Variants in SMC2 observed in about 807,000 individuals in gnomAD.
SMC2 encodes structural maintenance of chromosomes 2, also known as structural maintenance of chromosomes protein 2.
SMC2 carries 41 observed loss-of-function variants against 142.6 expected under a neutral mutation model. That is an observed-to-expected ratio of 0.29 (90% CI 0.22 to 0.37). The LOEUF (loss-of-function observed/expected upper bound fraction) is 0.37, where lower values mean the gene tolerates loss of function less well. Ranked by LOEUF, SMC2 falls within the 10% of genes least tolerant of loss-of-function variation. The probability of loss-of-function intolerance (pLI) is 1.00; values close to 1 mark genes in which losing one functional copy is unlikely to be tolerated. For synonymous variants in SMC2, 463 were observed against 457.5 expected, an observed-to-expected ratio of 1.01 and a Z score of -0.15; for missense variants, 1,265 against 1,373.7, an observed-to-expected ratio of 0.92 and a Z score of 1.25.
intron 15 of SMC2, among the ~76,000 whole-genome samples, chr9:104,119,431 G>C (rs1587957784): frequency 6.6e-6 from 1 of 152,128 alleles, no homozygotes; most frequent in East Asian, 1.9e-4. Flanking sequence ...CTGCCAGATA[G>C]TTATAGTTGC....
At chr9:104,095,227 T>C in intron 1 of SMC2, 97 bp from the exon 2 acceptor site, 2 of 585,800 alleles carry the variant, frequency 3.4e-6, no homozygotes, top group Non-Finnish European at 6.0e-6. Flanking sequence ...AGTGGCTGTT[T>C]TATTTCTATC....
intron 23 of SMC2, among the ~76,000 whole-genome samples, chr9:104,136,421 A>G (rs1020465353): frequency 3.9e-5 from 6 of 152,134 alleles, no homozygotes; most frequent in Non-Finnish European, 7.4e-5. Context: ...TTAGTTCCCA[A>G]TATCTTTAGC....
intron 9 of SMC2, among the ~76,000 whole-genome samples, chr9:104,107,310 A>C (rs1347855615): frequency 6.6e-6 from 1 of 152,182 alleles, no homozygotes; most frequent in Non-Finnish European, 1.5e-5. Flanking sequence ...TCCAAGAGTT[A>C]TATCAGGTGG....
chr9:104,127,106 C>A (rs1299633612), intron 19 of SMC2, among the ~76,000 whole-genome samples, 180 bp from the exon 20 acceptor site: 1 of 152,136 alleles, frequency 6.6e-6, no homozygotes, highest in Non-Finnish European at 1.5e-5. Flanking sequence ...AAGTTTTCTT[C>A]TGTGTATAAA....
intron 3 of SMC2, among the ~76,000 whole-genome samples, chr9:104,097,887 A>G (rs938860601): frequency 3.3e-5 from 5 of 152,228 alleles, no homozygotes; most frequent in African/African-American, 1.2e-4. Context: ...AATCTGGTAG[A>G]TGAGACAATC....
At chr9:104,116,034 G>A (rs1185592244) in intron 13 of SMC2, among the ~76,000 whole-genome samples, 166 bp from the exon 14 acceptor site, 1 of 109,420 alleles carries the variant, frequency 9.1e-6, no homozygotes, top group Non-Finnish European at 2.1e-5. Context: ...CCAAATGGCA[G>A]CATCTCCTTT....
At chr9:104,105,504 G>C (rs530799226) in intron 9 of SMC2, among the ~76,000 whole-genome samples, 2 of 152,134 alleles carry the variant, frequency 1.3e-5, no homozygotes, top group Non-Finnish European at 2.9e-5. Context: ...CTCGTTAGTG[G>C]TATAGTTACA....
chr9:104,137,558 GTA>G (rs994600371), intron 23 of SMC2, among the ~76,000 whole-genome samples: 1 of 151,990 alleles, frequency 6.6e-6, no homozygotes, highest in Non-Finnish European at 1.5e-5. Flanking sequence ...CTGTCTGTGT[GTA>G]TATGCATGTT....
At chr9:104,135,844 G>A (rs756786498) in intron 23 of SMC2, 1 of 518,564 alleles carries the variant, frequency 1.9e-6, no homozygotes, top group Non-Finnish European at 3.8e-6. Context: ...TCTTCAAATT[G>A]AAGGCAATAT....
chr9:104,122,461 A>ATAAGT (rs1833840035), intron 16 of SMC2, among the ~76,000 whole-genome samples: 1 of 151,024 alleles, frequency 6.6e-6, no homozygotes, highest in African/African-American at 2.5e-5. Flanking sequence ...TTTATATTTT[A>ATAAGT]TAAGTTTTGT....
At position 104,114,805 on chromosome 9, in the gene SMC2, C is replaced by G. The variant is rs758312614; in HGVS notation, c.1647C>G (p.Leu549=). The G allele has an allele frequency of 6.2e-7, 1 of 1,612,830 alleles. No individual in the cohort carries two copies. The highest frequency in any genetic ancestry group is 1.1e-5 in the South Asian group (1 of 90,890). The change falls in exon 13 of 25, where the codon CTC becomes CTG. Residue 549 remains leucine, a synonymous_variant. Transcript: ENST00000374793. Reference sequence around the variant, plus strand: ...TAGAATTAGTGGCTGGAGAACGACTCTACAATGTTGTAGTAGACACAGAAG... The same window carrying G: ...TAGAATTAGTGGCTGGAGAACGACTGTACAATGTTGTAGTAGACACAGAAG... ...TALELVAGER[L]YNVVVDTEVT...
intron 9 of SMC2, among the ~76,000 whole-genome samples, chr9:104,111,247 AG>A (rs1471741308): frequency 1.7e-4 from 26 of 152,196 alleles, no homozygotes; most frequent in Non-Finnish European, 8.8e-5. Flanking sequence ...AAGCTAGTGT[AG>A]GATGTCTGTT....
intron 22 of SMC2, among the ~76,000 whole-genome samples, chr9:104,132,570 T>C (rs1350679283): frequency 6.6e-6 from 1 of 152,126 alleles, no homozygotes. Flanking sequence ...ATTCCAAACA[T>C]AGAGTTACTG....
intron 20 of SMC2, 110 bp from the exon 21 acceptor site, chr9:104,129,535 T>A (rs1834708342): frequency 1.1e-6 from 1 of 907,656 alleles, no homozygotes; most frequent in Non-Finnish European, 1.7e-6. Flanking sequence ...ATTGAAGGTT[T>A]TTTCCTCTTC....
Position 104,105,711 on chromosome 9 carries a change from A to G in SMC2, c.1020+3138A>G, listed in dbSNP as rs1326416595. Among the ~76,000 whole-genome samples the G allele has an allele frequency of 2.6e-5, 4 of 152,076 alleles. No homozygotes were observed. The South Asian group carries it at 6.2e-4, about 24-fold the overall frequency. On this transcript the variant is annotated intron_variant, in intron 9 of 24. Coordinates refer to ENST00000374793, the MANE Select transcript of SMC2 (RefSeq NM_006444.3). ...TATGTGACAGATGCTATGTCCTCTC[A>G]TGTAAGCCAGGGGTTGGGGTCTGTT...
Position 104,122,718 on chromosome 9 carries a change from TAATA to T in SMC2, c.2133-385_2133-382del, listed in dbSNP as rs908125375. Among the ~76,000 whole-genome samples, 52 of 152,320 alleles carry T rather than the reference TAATA, an allele frequency of 3.4e-4. 1 individual carries two copies. Among genetic ancestry groups the T allele is most frequent in the East Asian group, 2.1e-3 (11 of 5,190 alleles). On this transcript the variant is annotated intron_variant, in intron 16 of 24. Coordinates refer to ENST00000374793, the MANE Select transcript of SMC2 (RefSeq NM_006444.3). ...TATTTTTAACATTTGAAAATGAGGTTAATAAATAGATAACTACATTTTTGAAATT... is the reference window on the plus strand; with the variant it reads ...TATTTTTAACATTTGAAAATGAGGTTAATAGATAACTACATTTTTGAAATT...
intron 8 of SMC2, 81 bp downstream of exon 8, chr9:104,102,274 T>C (rs898933229): frequency 8.5e-6 from 9 of 1,062,330 alleles, no homozygotes; most frequent in African/African-American, 3.2e-5. Context: ...TTAGGATTCA[T>C]TGGGCATTGT....
At chr9:104,137,995 C>T in intron 23 of SMC2, 23 bp from the exon 24 acceptor site, 1 of 1,513,146 alleles carries the variant, frequency 6.6e-7, no homozygotes. Context: ...ATTTTTATGG[C>T]TTTTCTTCTG....
chr9:104,111,549 T>C, intron 9 of SMC2, 32 bp from the exon 10 acceptor site: 2 of 1,469,812 alleles, frequency 1.4e-6, no homozygotes, highest in Non-Finnish European at 1.9e-6. Flanking sequence ...TCCTGAAATA[T>C]AATATTTTTC....
Sources: allele counts gnomAD v4.1 joint callset (sites outside exome capture counted in the v4.1 genomes callset), GRCh38; gene constraint gnomAD v4.1.1; transcripts MANE v1.5; gene names NCBI Gene and HGNC (gene_info 2026-07-23, HGNC 2026-07-21).